LUZP2: variants seen among roughly 807,000 people sequenced by gnomAD.
LUZP2 encodes the protein leucine zipper protein 2.
Under a neutral mutation model 51.6 loss-of-function variants are expected in LUZP2, and 52 were observed. The observed-to-expected ratio is 1.01, with a 90% CI of 0.81 to 1.27. LUZP2 has a LOEUF of 1.27. Ranked by LOEUF, LUZP2 falls within the 50% of genes most tolerant of loss-of-function variation. The probability of loss-of-function intolerance (pLI) is 0.00; values close to 1 mark genes in which losing one functional copy is unlikely to be tolerated. For missense variants in LUZP2, 436 were observed against 395.4 expected, an observed-to-expected ratio of 1.10 and a Z score of -0.87; for synonymous variants, 154 against 137.3, an observed-to-expected ratio of 1.12 and a Z score of -0.85.
chr11:24,533,602 G>A (rs11027983), intron 1 of LUZP2, among the ~76,000 whole-genome samples: 65,779 of 150,786 alleles, frequency 0.44, 14,807 homozygotes, highest in Middle Eastern at 0.53. Context: ...GCATGCAAAA[G>A]TAAAACTTAT....
At chr11:24,641,547 C>G (rs1046620954) in intron 1 of LUZP2, among the ~76,000 whole-genome samples, 1 of 151,850 alleles carries the variant, frequency 6.6e-6, no homozygotes, top group Non-Finnish European at 1.5e-5. Context: ...AAAGGTACCT[C>G]ATCTAAATTG....
At chr11:24,869,809 A>G (rs1434137697) in intron 5 of LUZP2, among the ~76,000 whole-genome samples, 3 of 152,144 alleles carry the variant, frequency 2.0e-5, no homozygotes, top group African/African-American at 7.2e-5. Context: ...TAGGCCAATT[A>G]TAGTAATACC....
intron 8 of LUZP2, among the ~76,000 whole-genome samples, chr11:24,980,388 A>T (rs12278764): frequency 6.6e-6 from 1 of 151,694 alleles, no homozygotes; most frequent in South Asian, 2.1e-4. Flanking sequence ...TAAAATTTTC[A>T]TATTATACAG....
At chr11:24,642,844 G>A (rs184836936) in intron 1 of LUZP2, among the ~76,000 whole-genome samples, 1 of 152,196 alleles carries the variant, frequency 6.6e-6, no homozygotes, top group East Asian at 1.9e-4. Flanking sequence ...GGGTAAGGGA[G>A]GATTCTGGAT....
chr11:24,851,815 G>A (rs566102616), intron 5 of LUZP2, among the ~76,000 whole-genome samples: 3 of 152,204 alleles, frequency 2.0e-5, no homozygotes, highest in Non-Finnish European at 4.4e-5. Flanking sequence ...GGTCTATTCA[G>A]GGATTTGACT....
In LUZP2 at chr11:24,728,495, T is replaced by A. The variant is rs1478762165; in HGVS notation, c.63-674T>A. 4.6e-5 allele frequency among the ~76,000 whole-genome samples: 7 copies of A among 151,964 alleles called. No homozygotes were observed. In the East Asian group the frequency reaches 1.4e-3, roughly 29 times the overall value. ...TCTTAACAGTCACCTGTTTTCCTGT[T>A]TTTTTCCCTCCTCCCATTCACTCCT... is the stretch of plus-strand genomic sequence containing the variant. On this transcript the variant is annotated intron_variant, in intron 1 of 11. Transcript: ENST00000336930.
At chr11:24,869,869 G>A (rs1007583006) in intron 5 of LUZP2, among the ~76,000 whole-genome samples, 6 of 152,062 alleles carry the variant, frequency 3.9e-5, no homozygotes, top group Non-Finnish European at 8.8e-5. Flanking sequence ...TCAAAAGCTA[G>A]GAATGTTTAC....
intron 7 of LUZP2, among the ~76,000 whole-genome samples, chr11:24,923,469 G>T (rs1392146577): frequency 6.6e-6 from 1 of 151,920 alleles, no homozygotes. Context: ...GGCCGAGGTG[G>T]GGGTATCACC....
intron 1 of LUZP2, among the ~76,000 whole-genome samples, chr11:24,622,636 T>C (rs1854538409): frequency 6.6e-6 from 1 of 152,208 alleles, no homozygotes; most frequent in South Asian, 2.1e-4. Context: ...GTTTCAAATC[T>C]GACTAAAGTG....
intron 5 of LUZP2, among the ~76,000 whole-genome samples, chr11:24,874,629 C>T (rs992003337): frequency 4.6e-5 from 7 of 152,148 alleles, no homozygotes; most frequent in African/African-American, 1.7e-4. Context: ...ATCTGTGATA[C>T]AAGTACTTTC....
At chr11:24,785,620 C>T (rs1849223722) in intron 5 of LUZP2, among the ~76,000 whole-genome samples, 1 of 151,256 alleles carries the variant, frequency 6.6e-6, no homozygotes, top group South Asian at 2.1e-4. Context: ...ACAAGATGAC[C>T]CTGGTAGTCA....
chr11:24,733,897 A>G (rs1183506725), intron 3 of LUZP2, among the ~76,000 whole-genome samples: 2 of 151,888 alleles, frequency 1.3e-5, no homozygotes, highest in Non-Finnish European at 2.9e-5. Flanking sequence ...GCACCCAGTG[A>G]GAGACTGAGG....
chr11:24,754,376 C>T (rs1859698212), intron 4 of LUZP2, among the ~76,000 whole-genome samples: 1 of 152,122 alleles, frequency 6.6e-6, no homozygotes, highest in Non-Finnish European at 1.5e-5. Context: ...ACTCTCCTCA[C>T]TACCCTTCAC....
intron 5 of LUZP2, among the ~76,000 whole-genome samples, chr11:24,830,587 A>C: frequency 6.6e-6 from 1 of 152,240 alleles, no homozygotes; most frequent in Admixed American, 6.5e-5. Flanking sequence ...TGAGATATTT[A>C]GATATATTAA....
intron 1 of LUZP2, among the ~76,000 whole-genome samples, chr11:24,528,496 CTTTCTT>C (rs1850890268): frequency 6.6e-6 from 1 of 151,134 alleles, no homozygotes; most frequent in African/African-American, 2.4e-5. Context: ...AGAAGCATCT[CTTTCTT>C]TTTATTATTT....
At chr11:24,981,388 T>C (rs1393265869) in intron 8 of LUZP2, among the ~76,000 whole-genome samples, 1 of 151,794 alleles carries the variant, frequency 6.6e-6, no homozygotes, top group Non-Finnish European at 1.5e-5. Flanking sequence ...GTAATTAGTA[T>C]ATAATGAGCA....
chr11:24,575,620 A>C (rs1852619602), intron 1 of LUZP2, among the ~76,000 whole-genome samples: 1 of 152,142 alleles, frequency 6.6e-6, no homozygotes, highest in Non-Finnish European at 1.5e-5. Flanking sequence ...TGGCTTGATA[A>C]TCTATTTAAT....
At chr11:24,665,654 G>A (rs1007494957) in intron 1 of LUZP2, among the ~76,000 whole-genome samples, 1 of 152,026 alleles carries the variant, frequency 6.6e-6, no homozygotes, top group African/African-American at 2.4e-5. Context: ...TCATGCGCTC[G>A]GATGGTTTTA....
chr11:24,865,553 T>C (rs979519133), intron 5 of LUZP2, among the ~76,000 whole-genome samples: 1 of 152,140 alleles, frequency 6.6e-6, no homozygotes, highest in Admixed American at 6.6e-5. Context: ...GTGGCATGGG[T>C]TAACATTATG....
Sources: gnomAD v4.1 joint callset for allele counts (sites outside exome capture counted in the v4.1 genomes callset) on GRCh38, gnomAD v4.1.1 for gene constraint, MANE v1.5 for transcripts, NCBI Gene and HGNC (gene_info 2026-07-23, HGNC 2026-07-21) for gene names.